The following CNTLN variants were observed in gnomAD, a reference collection of about 807,000 sequenced individuals.
The protein encoded by CNTLN is centlein, also known as centlein, centrosomal protein.
Under a neutral mutation model 180.0 loss-of-function variants are expected in CNTLN, and 212 were observed. The ratio of observed to expected loss-of-function variants is 1.18; its 90% CI spans 1.05 to 1.32. CNTLN has a LOEUF of 1.32. Ranked by LOEUF, CNTLN falls within the 40% of genes most tolerant of loss-of-function variation. The pLI, the probability that CNTLN is intolerant of heterozygous loss-of-function variation, is 0.00. For synonymous variants in CNTLN, 722 were observed against 563.1 expected, an observed-to-expected ratio of 1.28 and a Z score of -3.99; for missense variants, 2,095 against 1,610.9, an observed-to-expected ratio of 1.30 and a Z score of -5.14.
intron 2 of CNTLN, among the ~76,000 whole-genome samples, chr9:17,199,949 T>A (rs952760536): frequency 3.9e-5 from 6 of 152,208 alleles, no homozygotes; most frequent in African/African-American, 1.4e-4. Flanking sequence ...TAGGTTTTCT[T>A]CTAGGGTTTT....
At chr9:17,308,106 A>G (rs551867516) in intron 7 of CNTLN, among the ~76,000 whole-genome samples, 3 of 152,064 alleles carry the variant, frequency 2.0e-5, no homozygotes, top group African/African-American at 4.8e-5. Context: ...ATTGGATTAT[A>G]TCTCATTAAA....
chr9:17,297,764 C>T (rs113775982), intron 6 of CNTLN, among the ~76,000 whole-genome samples: 2 of 151,930 alleles, frequency 1.3e-5, no homozygotes, highest in Non-Finnish European at 2.9e-5. Flanking sequence ...TTAAGTTTGC[C>T]CTTTGGGATT....
chr9:17,437,709 G>A (rs1829860406), intron 18 of CNTLN, among the ~76,000 whole-genome samples: 1 of 151,886 alleles, frequency 6.6e-6, no homozygotes, highest in Non-Finnish European at 1.5e-5. Context: ...CTATAATAAT[G>A]GAATATTCAA....
intron 13 of CNTLN, among the ~76,000 whole-genome samples, chr9:17,385,032 A>G (rs1825580299): frequency 6.6e-6 from 1 of 152,230 alleles, no homozygotes; most frequent in Admixed American, 6.5e-5. Flanking sequence ...GGGGGTTCCC[A>G]GGAGCCCTTC....
rs1406119923 is a variant in CNTLN, at chr9:17,482,246, AG to A, written c.3856-2048del. 1.4e-4 allele frequency among the ~76,000 whole-genome samples: 22 copies of A among 152,296 alleles called. No individual in the cohort carries two copies. The East Asian group carries it at 4.2e-3, about 29-fold the overall frequency. On this transcript the variant is annotated intron_variant, in intron 23 of 25. Coordinates refer to ENST00000380647, the MANE Select transcript of CNTLN (RefSeq NM_017738.4). ...GAGGTATTATATATAAGAAAGGAAAAGTAAATTAGAGGTATAAAGATTTAAA... is the reference window on the plus strand; with the variant it reads ...GAGGTATTATATATAAGAAAGGAAAATAAATTAGAGGTATAAAGATTTAAA...
intron 18 of CNTLN, among the ~76,000 whole-genome samples, chr9:17,431,680 G>A (rs1028115167): frequency 8.5e-5 from 13 of 152,106 alleles, no homozygotes; most frequent in African/African-American, 1.2e-4. Context: ...TGTGGGTTTC[G>A]TATTAAAGAC....
chr9:17,310,554 T>TAC (rs1367124950), intron 8 of CNTLN, among the ~76,000 whole-genome samples: 6 of 152,214 alleles, frequency 3.9e-5, no homozygotes, highest in African/African-American at 9.6e-5. Flanking sequence ...TTTCTTGACG[T>TAC]ACACGTTCAT....
chr9:17,288,586 C>T (rs1315698408), intron 6 of CNTLN, among the ~76,000 whole-genome samples: 1 of 129,382 alleles, frequency 7.7e-6, no homozygotes, highest in Non-Finnish European at 1.6e-5. Flanking sequence ...TCTCGTTGAT[C>T]TGTCTAATGT....
At chr9:17,461,297 C>T (rs555425933) in intron 19 of CNTLN, among the ~76,000 whole-genome samples, 3 of 151,634 alleles carry the variant, frequency 2.0e-5, no homozygotes, top group African/African-American at 4.8e-5. Context: ...TTGAAGCAAA[C>T]GCTTCAATTA....
intron 12 of CNTLN, among the ~76,000 whole-genome samples, chr9:17,345,984 A>G (rs748676725): frequency 3.3e-5 from 5 of 152,178 alleles, no homozygotes; most frequent in Admixed American, 1.3e-4. Context: ...CTTTTAAAAT[A>G]TCTGGATTTC....
intron 9 of CNTLN, among the ~76,000 whole-genome samples, chr9:17,331,253 G>A (rs1488564878): frequency 6.6e-6 from 1 of 151,646 alleles, no homozygotes; most frequent in Non-Finnish European, 1.5e-5. Context: ...AATAGTAAAT[G>A]AATTTTAACA....
chr9:17,476,080 G>C (rs1261036509), intron 23 of CNTLN, among the ~76,000 whole-genome samples: 1 of 151,402 alleles, frequency 6.6e-6, no homozygotes, highest in East Asian at 1.9e-4. Context: ...GTCACATTTT[G>C]GTAACTATTG....
chr9:17,312,357 AT>A (rs1819205185), intron 8 of CNTLN, among the ~76,000 whole-genome samples: 3 of 15,038 alleles, frequency 2.0e-4, no homozygotes, highest in Non-Finnish European at 6.5e-4. Context: ...ATATATATAT[AT>A]ATATATTATA....
At chr9:17,458,909 T>C (rs1831293430) in intron 19 of CNTLN, among the ~76,000 whole-genome samples, 2 of 151,838 alleles carry the variant, frequency 1.3e-5, no homozygotes, top group Admixed American at 1.3e-4. Context: ...TCTGAAAATG[T>C]GGGATAAAAT....
At chr9:17,501,320 A>C (rs1226956939) in intron 25 of CNTLN, among the ~76,000 whole-genome samples, 1 of 152,230 alleles carries the variant, frequency 6.6e-6, no homozygotes, top group East Asian at 1.9e-4. Context: ...GAAGGGACTT[A>C]AACTAGAATG....
At chr9:17,208,743 C>T (rs187537239) in intron 2 of CNTLN, among the ~76,000 whole-genome samples, 4 of 152,126 alleles carry the variant, frequency 2.6e-5, no homozygotes, top group South Asian at 2.1e-4. Flanking sequence ...TCCAATTTAT[C>T]GGCGTATAGT....
intron 2 of CNTLN, among the ~76,000 whole-genome samples, chr9:17,145,560 C>T (rs1190235859): frequency 6.6e-6 from 1 of 152,176 alleles, no homozygotes; most frequent in Non-Finnish European, 1.5e-5. Flanking sequence ...GCATTTCCCC[C>T]CTGGAATTTC....
intron 5 of CNTLN, among the ~76,000 whole-genome samples, chr9:17,268,937 C>T (rs1174201808): frequency 1.3e-5 from 2 of 152,016 alleles, no homozygotes; most frequent in Admixed American, 6.6e-5. Context: ...TGCTGTCTGT[C>T]ACCCCTTTCT....
At chr9:17,341,367 A>G (rs544826965) in intron 11 of CNTLN, among the ~76,000 whole-genome samples, 3 of 152,336 alleles carry the variant, frequency 2.0e-5, no homozygotes, top group African/African-American at 2.4e-5. Context: ...TGAAATTCAC[A>G]TATATAGTTA....
Sources: allele counts gnomAD v4.1 joint callset (sites outside exome capture counted in the v4.1 genomes callset), GRCh38; gene constraint gnomAD v4.1.1; transcripts MANE v1.5; gene names NCBI Gene and HGNC (gene_info 2026-07-23, HGNC 2026-07-21).